The following NDRG3 variants were observed in gnomAD, a reference collection of about 807,000 sequenced individuals.
NDRG3 encodes protein NDRG3.
In NDRG3, 23 loss-of-function variants were observed where a neutral mutation model predicts 57.2. The observed-to-expected ratio is 0.40, with a 90% confidence interval of 0.29 to 0.57. The LOEUF (loss-of-function observed/expected upper bound fraction) is 0.57, where lower values mean the gene tolerates loss of function less well. Ranked by LOEUF, NDRG3 falls within the 20% of genes least tolerant of loss-of-function variation. The probability of loss-of-function intolerance (pLI) is 0.42; values close to 1 mark genes in which losing one functional copy is unlikely to be tolerated. For missense variants in NDRG3, 384 were observed against 457.3 expected (o/e 0.84, Z 1.46); for synonymous variants, 132 against 162.6 (o/e 0.81, Z 1.43).
intron 3 of NDRG3, among the ~76,000 whole-genome samples, chr20:36,693,141 T>TATATACAC (rs1323122806): frequency 2.9e-5 from 1 of 34,616 alleles, no homozygotes; most frequent in African/African-American, 9.3e-5. Context: ...TATATATATA[T>TATATACAC]ACACACACAC....
rs375281885 is a variant in NDRG3 at position 36,673,582 on chromosome 20, T to A, written c.532-2185A>T. On this transcript the variant is annotated intron_variant, in intron 8 of 15. Transcript: ENST00000349004. ...CACCACACCTGGCTACGTTTCTGTATTTTTAGTAGAGATGGGTTTCACCAT... is the reference window on the plus strand; with the variant it reads ...CACCACACCTGGCTACGTTTCTGTAATTTTAGTAGAGATGGGTTTCACCAT... 1.4e-4 allele frequency among the ~76,000 whole-genome samples: 22 copies of A among 152,182 alleles called. No homozygotes were observed. The East Asian group carries it at 2.5e-3, about 17-fold the overall frequency.
At chr20:36,715,546 G>A (rs1338726392) in intron 2 of NDRG3, among the ~76,000 whole-genome samples, 2 of 150,658 alleles carry the variant, frequency 1.3e-5, no homozygotes, top group South Asian at 2.1e-4. Context: ...AGCTGGGTGC[G>A]GTAGCTCATG....
At chr20:36,739,922 AAAAAAAAAAACCGTAAACCTTAC>A in intron 1 of NDRG3, among the ~76,000 whole-genome samples, 1 of 151,300 alleles carries the variant, frequency 6.6e-6, no homozygotes, top group African/African-American at 2.4e-5. Context: ...AAAAAAAAAA[AAAAAAAAAAACCGTAAACCTTAC>A]AATAGAAAAA....
At chr20:36,677,202 G>T (rs912528879) in intron 8 of NDRG3, among the ~76,000 whole-genome samples, 4 of 152,194 alleles carry the variant, frequency 2.6e-5, no homozygotes, top group African/African-American at 9.6e-5. Context: ...TAGGACTGGG[G>T]CATCTCTGCA....
intron 2 of NDRG3, among the ~76,000 whole-genome samples, chr20:36,707,678 T>G (rs181472183): frequency 3.9e-5 from 6 of 152,154 alleles, no homozygotes; most frequent in Admixed American, 3.9e-4. Flanking sequence ...TCACCAAGCT[T>G]CTAAAAAGGG....
chr20:36,743,339 CA>C (rs953500401), intron 1 of NDRG3, among the ~76,000 whole-genome samples: 1 of 151,624 alleles, frequency 6.6e-6, no homozygotes, highest in African/African-American at 2.4e-5. Context: ...ACTAAAAATA[CA>C]AAAAATAGCT....
chr20:36,689,377 T>C (rs1266033587), intron 3 of NDRG3, among the ~76,000 whole-genome samples: 1 of 152,014 alleles, frequency 6.6e-6, no homozygotes, highest in Non-Finnish European at 1.5e-5. Flanking sequence ...GGAAAGGAAA[T>C]CAGCAAATTG....
intron 3 of NDRG3, among the ~76,000 whole-genome samples, chr20:36,701,621 C>T (rs1393565232): frequency 6.6e-6 from 1 of 150,624 alleles, no homozygotes. Flanking sequence ...GATCTCAGCC[C>T]ACCACAACCT....
chr20:36,739,401 C>A (rs1441627523), intron 1 of NDRG3, among the ~76,000 whole-genome samples: 1 of 150,096 alleles, frequency 6.7e-6, no homozygotes, highest in South Asian at 2.1e-4. Context: ...GAGCCGGGAT[C>A]GCCCCACTGC....
At chr20:36,724,329 T>A (rs1482639014) in intron 1 of NDRG3, among the ~76,000 whole-genome samples, 1 of 152,222 alleles carries the variant, frequency 6.6e-6, no homozygotes, top group African/African-American at 2.4e-5. Flanking sequence ...AACCTCCCTA[T>A]AGGACAGTGG....
intron 1 of NDRG3, among the ~76,000 whole-genome samples, chr20:36,737,806 G>A (rs1339640220): frequency 6.6e-6 from 1 of 152,150 alleles, no homozygotes; most frequent in Non-Finnish European, 1.5e-5. Flanking sequence ...TTGGCTGGGC[G>A]CAGTGGCTGA....
intron 4 of NDRG3, among the ~76,000 whole-genome samples, chr20:36,688,169 C>T (rs377689700): frequency 9.8e-5 from 15 of 152,370 alleles, no homozygotes; most frequent in African/African-American, 3.4e-4. Context: ...TGCAGGGCAT[C>T]TATGAAAGCC....
intron 9 of NDRG3, among the ~76,000 whole-genome samples, chr20:36,670,363 G>A (rs1980040751): frequency 6.6e-6 from 1 of 152,124 alleles, no homozygotes; most frequent in South Asian, 2.1e-4. Context: ...AGCAGAATAT[G>A]GGGTAGGTGA....
At chr20:36,731,898 A>T (rs774139747) in intron 1 of NDRG3, among the ~76,000 whole-genome samples, 3 of 152,078 alleles carry the variant, frequency 2.0e-5, no homozygotes, top group Non-Finnish European at 2.9e-5. Context: ...AGGTGGGAGG[A>T]TCACTTGAGT....
At chr20:36,712,502 C>T (rs1448343135) in intron 2 of NDRG3, among the ~76,000 whole-genome samples, 1 of 132,754 alleles carries the variant, frequency 7.5e-6, no homozygotes, top group Admixed American at 8.1e-5. Context: ...CTCAAACGAT[C>T]CTCCTGCTTC....
At chr20:36,680,501 TAC>T (rs1568636617) in intron 8 of NDRG3, among the ~76,000 whole-genome samples, 9 of 138,160 alleles carry the variant, frequency 6.5e-5, no homozygotes, top group Non-Finnish European at 1.3e-4. Context: ...AAAAAAAAAA[TAC>T]AGTTTCTATG....
At chr20:36,682,028 G>A (rs1981347990) in intron 7 of NDRG3, among the ~76,000 whole-genome samples, 1 of 152,066 alleles carries the variant, frequency 6.6e-6, no homozygotes, top group African/African-American at 2.4e-5. Flanking sequence ...TGACTACAGT[G>A]ATTATATTCA....
At chr20:36,679,659 A>G (rs1981074655) in intron 8 of NDRG3, among the ~76,000 whole-genome samples, 1 of 151,018 alleles carries the variant, frequency 6.6e-6, no homozygotes, top group Non-Finnish European at 1.5e-5. Context: ...ACCCACCACC[A>G]CGCCCGGCTA....
chr20:36,656,227 A>T lies in NDRG3; in HGVS notation c.946+133T>A. 4.1e-6 allele frequency: 3 copies of T among 738,904 alleles called. No individual in the cohort carries two copies. The South Asian group carries it at 5.6e-5, about 14-fold the overall frequency. 45.8% of individuals were successfully genotyped at this position (738,904 alleles called of 1,614,324 possible). On this transcript the variant is annotated intron_variant, in intron 15 of 15. Coordinates refer to ENST00000349004, the MANE Select transcript of NDRG3 (RefSeq NM_032013.4). ...ATACGGACAAATGAATGTTCCATAAACATTTCAGTTTCTACTTTGCTTAAG... is the reference window on the plus strand; with the variant it reads ...ATACGGACAAATGAATGTTCCATAATCATTTCAGTTTCTACTTTGCTTAAG...
Sources: allele counts gnomAD v4.1 joint callset (sites outside exome capture counted in the v4.1 genomes callset), GRCh38; gene constraint gnomAD v4.1.1; transcripts MANE v1.5; gene names NCBI Gene and HGNC (gene_info 2026-07-23, HGNC 2026-07-21).